Variants in NAALADL2 observed in about 807,000 individuals in gnomAD.
NAALADL2 encodes N-acetylated alpha-linked acidic dipeptidase like 2.
Under a neutral mutation model 87.2 loss-of-function variants are expected in NAALADL2, and 76 were observed. That is an observed-to-expected ratio of 0.87 (90% CI 0.72 to 1.05). NAALADL2 has a LOEUF of 1.05. NAALADL2 is among the 50% of genes least tolerant of loss of function. The probability of loss-of-function intolerance (pLI) is 0.00; values close to 1 mark genes in which losing one functional copy is unlikely to be tolerated. For synonymous variants in NAALADL2, 354 were observed against 331.0 expected (o/e 1.07, Z -0.75); for missense variants, 1,089 against 945.8 (o/e 1.15, Z -1.99).
At chr3:174,970,541 AGTT>A (rs1338247270) in intron 1 of NAALADL2, among the ~76,000 whole-genome samples, 1 of 152,214 alleles carries the variant, frequency 6.6e-6, no homozygotes, top group Non-Finnish European at 1.5e-5. Context: ...TCATGCTAAT[AGTT>A]GTGCTATCCT....
At chr3:175,760,244 A>C (rs1318998310) in intron 13 of NAALADL2, among the ~76,000 whole-genome samples, 2 of 152,136 alleles carry the variant, frequency 1.3e-5, no homozygotes, top group Non-Finnish European at 2.9e-5. Context: ...CCTCTGCCCC[A>C]TTTACCTGGC....
chr3:174,462,615 G>C (rs574192857), intron 1 of NAALADL2, among the ~76,000 whole-genome samples: 5 of 152,236 alleles, frequency 3.3e-5, no homozygotes, highest in African/African-American at 7.2e-5. Flanking sequence ...AATTAATTTA[G>C]AGAATTAAGT....
chr3:174,523,673 T>A (rs2108419805), intron 1 of NAALADL2: 1 of 152,358 alleles, frequency 6.6e-6, no homozygotes, highest in South Asian at 2.1e-4. Context: ...ATTTGCTGTC[T>A]GCTGGAATTA....
chr3:175,736,689 G>A (rs1165238817), intron 11 of NAALADL2, among the ~76,000 whole-genome samples: 2 of 152,174 alleles, frequency 1.3e-5, no homozygotes, highest in South Asian at 2.1e-4. Flanking sequence ...CAAACTTCAC[G>A]ATTCAAAGAC....
intron 1 of NAALADL2, among the ~76,000 whole-genome samples, chr3:175,095,164 G>A (rs750490538): frequency 6.6e-6 from 1 of 151,912 alleles, no homozygotes; most frequent in Non-Finnish European, 1.5e-5. Flanking sequence ...TTCTCTCTTT[G>A]TGTTTGTAAA....
In NAALADL2 at chr3:175,698,504, A is replaced by ATATATATATAT. The variant is rs1278192087; in HGVS notation, c.1897-38802_1897-38801insTATATATATAT. ...ATATTTATATATATATATATATATA[A>ATATATATATAT]AATCTCCAAGCAAATTCCTATGTAC... On this transcript the variant is annotated intron_variant, in intron 11 of 13. Coordinates refer to ENST00000454872, the MANE Select transcript of NAALADL2 (RefSeq NM_207015.3). Among the ~76,000 whole-genome samples the ATATATATATAT allele has an allele frequency of 1.9e-3, 166 of 86,964 alleles. 12 individuals are homozygous for ATATATATATAT. The highest frequency in any genetic ancestry group is 6.1e-3 in the Middle Eastern group (1 of 164). The allele number at this position is 86,964 out of a possible 152,430, so 57.1% of individuals were successfully genotyped here.
intron 2 of NAALADL2, among the ~76,000 whole-genome samples, chr3:174,692,476 T>A (rs1728666135): frequency 6.6e-6 from 1 of 152,170 alleles, no homozygotes; most frequent in African/African-American, 2.4e-5. Flanking sequence ...ACAATTTCCA[T>A]AAACTTTGGC....
At chr3:175,126,526 T>C (rs1222664303) in intron 2 of NAALADL2, among the ~76,000 whole-genome samples, 1 of 152,102 alleles carries the variant, frequency 6.6e-6, no homozygotes, top group Non-Finnish European at 1.5e-5. Context: ...TTCCAAGATA[T>C]GTTAAAGGAA....
In NAALADL2 at chr3:175,153,133, A is replaced by G. The variant is rs747701741; in HGVS notation, c.545+55842A>G. 4.6e-4 allele frequency among the ~76,000 whole-genome samples: 70 copies of G among 152,164 alleles called. 1 individual carries two copies. Among genetic ancestry groups the G allele is most frequent in the Non-Finnish European group, 1.3e-4 (9 of 68,028 alleles). Reference sequence around the variant, plus strand: ...ATGTCTTAGTAACAGGAAGTATACAACTTACCTCTTAAAGATCTACCTCTG... The same window carrying G: ...ATGTCTTAGTAACAGGAAGTATACAGCTTACCTCTTAAAGATCTACCTCTG... On this transcript the variant is annotated intron_variant, in intron 2 of 13. Transcript: ENST00000454872.
At chr3:175,792,767 T>C (rs922593965) in intron 13 of NAALADL2, among the ~76,000 whole-genome samples, 1 of 152,214 alleles carries the variant, frequency 6.6e-6, no homozygotes, top group Non-Finnish European at 1.5e-5. Context: ...GTTGGATCGA[T>C]GCAGTATTGC....
chr3:175,234,318 C>T, intron 3 of NAALADL2, 114 bp downstream of exon 3: 3 of 1,149,796 alleles, frequency 2.6e-6, no homozygotes, highest in Non-Finnish European at 3.7e-6. Context: ...ACCATTAAAT[C>T]TTTTCAGTGT....
chr3:174,656,472 G>A (rs1724939512), intron 2 of NAALADL2, among the ~76,000 whole-genome samples: 1 of 152,138 alleles, frequency 6.6e-6, no homozygotes, highest in Non-Finnish European at 1.5e-5. Flanking sequence ...AAATGAAAAT[G>A]TGAGTGTTCT....
intron 2 of NAALADL2, among the ~76,000 whole-genome samples, chr3:175,176,052 TA>T (rs1372964484): frequency 1.3e-5 from 2 of 152,156 alleles, no homozygotes; most frequent in Non-Finnish European, 2.9e-5. Context: ...AGAATTTTTA[TA>T]AAGCCCATTT....
At chr3:175,129,208 T>C (rs1231432735) in intron 2 of NAALADL2, among the ~76,000 whole-genome samples, 1 of 152,004 alleles carries the variant, frequency 6.6e-6, no homozygotes, top group Non-Finnish European at 1.5e-5. Flanking sequence ...GCTTCCCAAA[T>C]TGCTGAGATC....
intron 1 of NAALADL2, among the ~76,000 whole-genome samples, chr3:174,879,425 C>T (rs1360450641): frequency 6.6e-6 from 1 of 151,956 alleles, no homozygotes; most frequent in African/African-American, 2.4e-5. Context: ...CTTTAATATA[C>T]ATATTCTTAA....
chr3:175,377,018 AT>A (rs35559324), intron 5 of NAALADL2, among the ~76,000 whole-genome samples: 52,381 of 151,046 alleles, frequency 0.35, 9,160 homozygotes, highest in East Asian at 0.52. Flanking sequence ...AAAAAAAAAA[AT>A]TATTGAATTT....
intron 3 of NAALADL2, among the ~76,000 whole-genome samples, chr3:174,809,949 C>T (rs1276141629): frequency 6.6e-6 from 1 of 152,034 alleles, no homozygotes; most frequent in South Asian, 2.1e-4. Flanking sequence ...AAGTGTGTGG[C>T]ACCTCCCCCC....
intron 11 of NAALADL2, among the ~76,000 whole-genome samples, chr3:175,711,353 G>A (rs1206359345): frequency 2.0e-5 from 3 of 151,650 alleles, no homozygotes; most frequent in Non-Finnish European, 4.4e-5. Flanking sequence ...TATCAGAATC[G>A]TACTTTGAGT....
chr3:175,423,555 T>C (rs905559808), intron 5 of NAALADL2, among the ~76,000 whole-genome samples: 15 of 152,180 alleles, frequency 9.9e-5, no homozygotes, highest in African/African-American at 3.4e-4. Flanking sequence ...CTGAGAATGA[T>C]GGTTTCCAGC....
Sources: gnomAD v4.1 joint callset for allele counts (sites outside exome capture counted in the v4.1 genomes callset) on GRCh38, gnomAD v4.1.1 for gene constraint, MANE v1.5 for transcripts, NCBI Gene and HGNC (gene_info 2026-07-23, HGNC 2026-07-21) for gene names.